FREM1: variants seen among roughly 807,000 people sequenced by gnomAD.
FREM1 encodes the protein FRAS1-related extracellular matrix protein 1.
In FREM1, 220 loss-of-function variants were observed where a neutral mutation model predicts 210.1. The ratio of observed to expected loss-of-function variants is 1.05; its 90% CI spans 0.94 to 1.17. The LOEUF (loss-of-function observed/expected upper bound fraction) is 1.17, where lower values mean the gene tolerates loss of function less well. FREM1 is among the 50% of genes most tolerant of loss of function. The probability of loss-of-function intolerance (pLI) is 0.00; values close to 1 mark genes in which losing one functional copy is unlikely to be tolerated. For missense variants in FREM1, 3,454 were observed against 2,675.5 expected, an observed-to-expected ratio of 1.29 and a Z score of -6.42; for synonymous variants, 1,189 against 980.2, an observed-to-expected ratio of 1.21 and a Z score of -3.98.
chr9:14,785,720 T>C (rs1395663198), intron 23 of FREM1, among the ~76,000 whole-genome samples: 1 of 138,120 alleles, frequency 7.2e-6, no homozygotes, highest in Admixed American at 7.4e-5. Flanking sequence ...GTACCTAGAG[T>C]AGCAAAACTC....
chr9:14,808,674 C>T (rs4740592), intron 16 of FREM1, among the ~76,000 whole-genome samples: 18,388 of 152,060 alleles, frequency 0.12, 1,135 homozygotes, highest in South Asian at 0.15. Context: ...TATATATTAG[C>T]CAGGATGTTT....
In FREM1 at chr9:14,857,540, C is replaced by A. The variant is rs577312369; in HGVS notation, c.828+13G>T. The A allele has an allele frequency of 6.2e-7, 1 of 1,608,766 alleles. No homozygotes were observed. On this transcript the variant is annotated intron_variant, in intron 5 of 36. Coordinates refer to ENST00000380880, the MANE Select transcript of FREM1 (RefSeq NM_001379081.2). ...GAATCCTGGGGGCACCCACACATAACCCCAAACTCTACCTTGTACACAATT... is the reference window on the plus strand; with the variant it reads ...GAATCCTGGGGGCACCCACACATAAACCCAAACTCTACCTTGTACACAATT...
rs1264545541 is a variant in FREM1, at chr9:14,812,926, T to A, written c.2779A>T (p.Met927Leu). ...TDVDSDNLKL[M>L]FVIAREPQHG... ...TGAGGTTCGCGAGCAATCACAAACA[T>A]CAACTTCAAGTTATCGCTGTCCACA... The change falls in exon 16 of 37, where the codon ATG (methionine) becomes TTG (leucine). Residue 927 changes from methionine to leucine, a missense_variant. Physicochemically the swap from Met to Leu is conservative, Grantham distance 15. Transcript: ENST00000380880. 2 of 1,613,918 alleles carry A rather than the reference T, an allele frequency of 1.2e-6. No individual in the cohort carries two copies. The highest frequency in any genetic ancestry group is 3.3e-5 in the Admixed American group (2 of 60,012).
chr9:14,848,507 A>C (rs950977072), intron 7 of FREM1, among the ~76,000 whole-genome samples, 158 bp downstream of exon 7: 1 of 152,230 alleles, frequency 6.6e-6, no homozygotes, highest in African/African-American at 2.4e-5. Context: ...GGAATAAAAA[A>C]ACAACAACAA....
chr9:14,908,833 G>C (rs999512703), intron 1 of FREM1, among the ~76,000 whole-genome samples: 8 of 152,168 alleles, frequency 5.3e-5, no homozygotes, highest in Admixed American at 6.5e-5. Flanking sequence ...CCTGGGAACT[G>C]AGAACCTGCC....
intron 18 of FREM1, among the ~76,000 whole-genome samples, chr9:14,805,884 T>C (rs1818256981): frequency 6.6e-6 from 1 of 152,194 alleles, no homozygotes; most frequent in Non-Finnish European, 1.5e-5. Context: ...CTGGGACACG[T>C]TTTGGCTTTA....
At chr9:14,873,918 G>A (rs1196634715) in intron 1 of FREM1, among the ~76,000 whole-genome samples, 5 of 151,874 alleles carry the variant, frequency 3.3e-5, no homozygotes, top group East Asian at 3.9e-4. Flanking sequence ...CCTTCATTTC[G>A]TTATGTACCC....
Position 14,824,716 on chromosome 9 carries a change from T to A in FREM1, c.2078+80A>T, listed in dbSNP as rs1338841562. On this transcript the variant is annotated intron_variant, in intron 11 of 36. Coordinates refer to ENST00000380880, the MANE Select transcript of FREM1 (RefSeq NM_001379081.2). ...GGAGCAAGTAAACCACAGTACTATA[T>A]ATATATATATTGCTCTATATTGACA... 7.7e-6 allele frequency: 7 copies of A among 904,306 alleles called. No individual in the cohort carries two copies. In the African/African-American group the frequency reaches 1.0e-4, roughly 13 times the overall value. 56.0% of individuals were successfully genotyped at this position (904,306 alleles called of 1,614,324 possible).
intron 26 of FREM1, among the ~76,000 whole-genome samples, chr9:14,770,378 T>A (rs1461534476): frequency 1.3e-5 from 2 of 152,184 alleles, no homozygotes; most frequent in African/African-American, 4.8e-5. Flanking sequence ...AAAAAAAATA[T>A]AAATAAACAG....
intron 1 of FREM1, among the ~76,000 whole-genome samples, chr9:14,892,315 T>C (rs1377785768): frequency 6.6e-6 from 1 of 152,178 alleles, no homozygotes; most frequent in Non-Finnish European, 1.5e-5. Context: ...ACAAATTGGC[T>C]GACTTTGGGT....
At chr9:14,841,792 A>G (rs1013105262) in intron 9 of FREM1, among the ~76,000 whole-genome samples, 1 of 152,242 alleles carries the variant, frequency 6.6e-6, no homozygotes, top group African/African-American at 2.4e-5. Context: ...AAGTCACTAT[A>G]TCTGTCTTGA....
At position 14,748,655 on chromosome 9, in the gene FREM1, A is replaced by G. The variant is rs1842857062; in HGVS notation, c.5558-16T>C. 3.2e-6 allele frequency: 5 copies of G among 1,543,506 alleles called. No homozygotes were observed. The highest frequency in any genetic ancestry group is 4.5e-6 in the Non-Finnish European group (5 of 1,121,364). On this transcript the variant is annotated splice_polypyrimidine_tract_variant and intron_variant, in intron 30 of 36. Transcript: ENST00000380880. ...TGGCATTGTCCTGGAGGCATGCAAG[A>G]TGGCAGGCGGTCAGTTCATTTTACA...
Position 14,797,557 on chromosome 9 carries a change from T to A in FREM1, c.3780A>T (p.Ile1260=). ...TGACCTCTACTGAAATGGTTTTAAG[T>A]ATCTTATGTTTCCCATCTGACAATT... is the stretch of plus-strand genomic sequence containing the variant. The part of the protein sequence containing the change: ...TIQLSDGKHK[I]LKTISVEVIP... Residue 1260 remains isoleucine, a synonymous_variant, in exon 21 of 37, where the codon ATA becomes ATT. Coordinates refer to ENST00000380880, the MANE Select transcript of FREM1 (RefSeq NM_001379081.2). 1 of 1,613,254 alleles carries A rather than the reference T, an allele frequency of 6.2e-7. No individual in the cohort carries two copies. Among genetic ancestry groups the A allele is most frequent in the Non-Finnish European group, 8.5e-7 (1 of 1,179,254 alleles).
intron 25 of FREM1, among the ~76,000 whole-genome samples, chr9:14,771,216 T>G (rs574744159): frequency 6.6e-6 from 1 of 152,302 alleles, no homozygotes; most frequent in East Asian, 1.9e-4. Flanking sequence ...GACTTCATGT[T>G]AACTCCACAG....
At chr9:14,809,043 C>T (rs909525484) in intron 16 of FREM1, among the ~76,000 whole-genome samples, 4 of 152,176 alleles carry the variant, frequency 2.6e-5, no homozygotes, top group African/African-American at 4.8e-5. Flanking sequence ...TCCCACATTT[C>T]GTGAGAGGAA....
chr9:14,789,845 TGACA>T (rs755584265), intron 22 of FREM1, among the ~76,000 whole-genome samples: 8 of 152,190 alleles, frequency 5.3e-5, no homozygotes, highest in Non-Finnish European at 1.2e-4. Context: ...GGCTAACAAC[TGACA>T]GTGTTAGAAA....
At chr9:14,875,961 G>A (rs1322126166) in intron 1 of FREM1, among the ~76,000 whole-genome samples, 2 of 152,208 alleles carry the variant, frequency 1.3e-5, no homozygotes, top group African/African-American at 4.8e-5. Context: ...GTTTGCCTGG[G>A]TATCCACAGC....
chr9:14,741,456 G>C (rs1157411511), intron 35 of FREM1, among the ~76,000 whole-genome samples: 2 of 152,184 alleles, frequency 1.3e-5, no homozygotes, highest in East Asian at 1.9e-4. Context: ...AATGGCCTTA[G>C]ACCGCTGGAT....
chr9:14,737,393 T>C lies in FREM1; in HGVS notation c.*3A>G, dbSNP rs760179208. The C allele has an allele frequency of 1.9e-6, 3 of 1,612,130 alleles. No homozygotes were observed. The highest frequency in any genetic ancestry group is 2.7e-5 in the African/African-American group (2 of 74,856). On this transcript the variant is annotated 3_prime_UTR_variant, in exon 37 of 37. Coordinates refer to ENST00000380880, the MANE Select transcript of FREM1 (RefSeq NM_001379081.2). ...AGGTGGCCCCCTGTAGGGTCTGTTA[T>C]ATTTAGAGTTTTCTGGAACACACAT...
Sources: gnomAD v4.1 joint callset for allele counts (sites outside exome capture counted in the v4.1 genomes callset) on GRCh38, gnomAD v4.1.1 for gene constraint, MANE v1.5 for transcripts, NCBI Gene and HGNC (gene_info 2026-07-23, HGNC 2026-07-21) for gene names.